Variants in SIPA1L1 observed in about 807,000 individuals in gnomAD.
SIPA1L1 encodes the protein signal-induced proliferation-associated 1-like protein 1.
SIPA1L1 carries 26 observed loss-of-function variants against 162.7 expected under a neutral mutation model. That is an observed-to-expected ratio of 0.16 (90% CI 0.12 to 0.22). The LOEUF is 0.22. SIPA1L1 is among the 10% of genes least tolerant of loss of function. The pLI, the probability that SIPA1L1 is intolerant of heterozygous loss-of-function variation, is 1.00. For synonymous variants in SIPA1L1, 829 were observed against 837.4 expected (o/e 0.99, Z 0.17); for missense variants, 1,874 against 2,241.0 (o/e 0.84, Z 3.31).
At chr14:71,632,442 A>C (rs2040674153) in intron 7 of SIPA1L1, among the ~76,000 whole-genome samples, 1 of 152,214 alleles carries the variant, frequency 6.6e-6, no homozygotes, top group Non-Finnish European at 1.5e-5. Context: ...TGCACAGTAC[A>C]AAAAGAAGCT....
chr14:71,371,855 G>A (rs1219104276), intron 2 of SIPA1L1, among the ~76,000 whole-genome samples: 1 of 152,056 alleles, frequency 6.6e-6, no homozygotes, highest in Non-Finnish European at 1.5e-5. Flanking sequence ...GTATACTCTT[G>A]TGTCACATTT....
intron 4 of SIPA1L1, chr14:71,573,652 T>C (rs1410301700): frequency 8.8e-6 from 4 of 456,646 alleles, no homozygotes; most frequent in African/African-American, 4.0e-5. Context: ...CATTTCCAAA[T>C]GTCGAAAGAG....
chr14:71,544,131 A>ATGTATATACATATATACACGTGTG (rs2054863374), intron 4 of SIPA1L1, among the ~76,000 whole-genome samples: 1 of 141,172 alleles, frequency 7.1e-6, no homozygotes, highest in Non-Finnish European at 1.6e-5. Flanking sequence ...ATGCACGTGT[A>ATGTATATACATATATACACGTGTG]TGTATATACA....
In SIPA1L1 at chr14:71,448,742, G is replaced by A. The variant is rs1364576571; in HGVS notation, c.-464-64001G>A. On this transcript the variant is annotated intron_variant, in intron 2 of 23. Coordinates refer to ENST00000381232, the MANE Select transcript of SIPA1L1 (RefSeq NM_001386936.1). ...AGCAACTCAGGAGGCTGAGGCAGGA[G>A]GATTGTTTAAACCCAGGAGTTATAA... is the stretch of plus-strand genomic sequence containing the variant. 3 of 152,224 alleles carry A rather than the reference G, an allele frequency of 2.0e-5. No homozygotes were observed. The East Asian group carries it at 5.8e-4, about 29-fold the overall frequency. 9.4% of individuals were successfully genotyped at this position (152,224 alleles called of 1,614,324 possible). A position where few individuals can be genotyped will look rare whatever the true frequency, so the allele number is the denominator to read the frequency against.
At position 71,672,498 on chromosome 14, in the gene SIPA1L1, C is replaced by T. The variant is rs753980403; in HGVS notation, c.2980C>T (p.Leu994=). ...WQAGLRQGSR[L]VEICKVAVAT... ...GGCAGGGCTGAGGCAGGGCAGTCGC[C>T]TGGTGGAGATCTGCAAGGTGGCGGT... The change falls in exon 12 of 24, where the codon CTG becomes TTG. Residue 994 remains leucine, a synonymous_variant. Coordinates refer to ENST00000381232, the MANE Select transcript of SIPA1L1 (RefSeq NM_001386936.1). The T allele has an allele frequency of 1.9e-6, 3 of 1,614,178 alleles. No individual in the cohort carries two copies. Among genetic ancestry groups the T allele is most frequent in the South Asian group, 1.1e-5 (1 of 91,080 alleles).
intron 2 of SIPA1L1, among the ~76,000 whole-genome samples, chr14:71,339,334 T>C (rs746387358): frequency 2.6e-5 from 4 of 151,724 alleles, no homozygotes; most frequent in Non-Finnish European, 5.9e-5. Flanking sequence ...CTATGTTCTT[T>C]ATCTAAGTGT....
At chr14:71,693,707 TTTC>T (rs1164100419) in intron 13 of SIPA1L1, among the ~76,000 whole-genome samples, 1 of 150,870 alleles carries the variant, frequency 6.6e-6, no homozygotes, top group Non-Finnish European at 1.5e-5. Context: ...TGTAGAGATT[TTTC>T]TTTTTTCTTT....
intron 2 of SIPA1L1, among the ~76,000 whole-genome samples, chr14:71,333,865 G>A (rs1395531092): frequency 6.6e-6 from 1 of 152,154 alleles, no homozygotes; most frequent in African/African-American, 2.4e-5. Flanking sequence ...TGCTCTATAG[G>A]TGAGATATGA....
intron 2 of SIPA1L1, among the ~76,000 whole-genome samples, chr14:71,409,871 T>C (rs972699920): frequency 1.3e-5 from 2 of 152,204 alleles, no homozygotes; most frequent in African/African-American, 4.8e-5. Context: ...CATAATTGAC[T>C]TAGTAACAGA....
At chr14:71,611,839 T>C (rs1475550489) in intron 5 of SIPA1L1, among the ~76,000 whole-genome samples, 1 of 152,208 alleles carries the variant, frequency 6.6e-6, no homozygotes, top group East Asian at 1.9e-4. Context: ...GTCTTTGCTA[T>C]TGTAAATACT....
intron 2 of SIPA1L1, among the ~76,000 whole-genome samples, chr14:71,479,686 A>G (rs1454186605): frequency 6.6e-6 from 1 of 151,890 alleles, no homozygotes; most frequent in African/African-American, 2.4e-5. Context: ...GAGATTACAG[A>G]CATGAACCAA....
intron 4 of SIPA1L1, among the ~76,000 whole-genome samples, chr14:71,580,057 C>T (rs1368291664): frequency 6.6e-6 from 1 of 152,156 alleles, no homozygotes; most frequent in African/African-American, 2.4e-5. Flanking sequence ...TTCTCTGCTG[C>T]GTTTTTTACA....
chr14:71,578,354 C>T (rs181440758), intron 4 of SIPA1L1, among the ~76,000 whole-genome samples: 211 of 152,288 alleles, frequency 1.4e-3, no homozygotes, highest in Non-Finnish European at 2.5e-3. Context: ...AGTTGTGAGC[C>T]GCTGCACCTG....
chr14:71,471,985 GC>G (rs1415334577), intron 2 of SIPA1L1, among the ~76,000 whole-genome samples: 21 of 152,288 alleles, frequency 1.4e-4, no homozygotes, highest in African/African-American at 5.1e-4. Context: ...GCAGTTCAGG[GC>G]CTCTTGTGTT....
At chr14:71,330,762 G>T (rs1048378222) in intron 2 of SIPA1L1, 1 of 787,254 alleles carries the variant, frequency 1.3e-6, no homozygotes, top group African/African-American at 1.7e-5. Context: ...TGTCTATCTC[G>T]GGCAAGGCCC....
intron 10 of SIPA1L1, among the ~76,000 whole-genome samples, chr14:71,663,378 A>G (rs2043712136): frequency 6.6e-6 from 1 of 152,212 alleles, no homozygotes; most frequent in Non-Finnish European, 1.5e-5. Flanking sequence ...ATGTATATTT[A>G]GATTTCATAA....
chr14:71,653,183 A>G (rs1596666754), intron 8 of SIPA1L1, among the ~76,000 whole-genome samples: 2 of 152,156 alleles, frequency 1.3e-5, no homozygotes, highest in African/African-American at 4.8e-5. Flanking sequence ...ACTTAGCCCT[A>G]CTACTAAGGC....
At chr14:71,713,717 C>G (rs1338789360) in intron 17 of SIPA1L1, among the ~76,000 whole-genome samples, 1 of 152,218 alleles carries the variant, frequency 6.6e-6, no homozygotes, top group Non-Finnish European at 1.5e-5. Flanking sequence ...TCAGGCTACT[C>G]TGGCACACTG....
At position 71,550,260 on chromosome 14, in the gene SIPA1L1, A is replaced by T. The variant is rs560065485; in HGVS notation, c.-303+20890A>T. Among the ~76,000 whole-genome samples the T allele has an allele frequency of 2.1e-4, 32 of 151,826 alleles. No individual in the cohort carries two copies. The South Asian group carries it at 3.5e-3, about 17-fold the overall frequency. ...GTGAGACACTGTCTCAAAAACAGAAATTTTTTTTTAAGTTTAAAAAAGCCA... is the reference window on the plus strand; with the variant it reads ...GTGAGACACTGTCTCAAAAACAGAATTTTTTTTTTAAGTTTAAAAAAGCCA... On this transcript the variant is annotated intron_variant, in intron 4 of 23. Coordinates refer to ENST00000381232, the MANE Select transcript of SIPA1L1 (RefSeq NM_001386936.1).
Sources: gnomAD v4.1 joint callset for allele counts (sites outside exome capture counted in the v4.1 genomes callset) on GRCh38, gnomAD v4.1.1 for gene constraint, MANE v1.5 for transcripts, NCBI Gene and HGNC (gene_info 2026-07-23, HGNC 2026-07-21) for gene names.